Variants in ADARB2 observed in about 807,000 individuals in gnomAD.
ADARB2 encodes inactive double-stranded RNA-specific editase B2.
ADARB2 carries 25 observed loss-of-function variants against 62.2 expected under a neutral mutation model. The observed-to-expected ratio is 0.40, with a 90% confidence interval of 0.29 to 0.56. ADARB2 has a LOEUF of 0.56. Among genes scored for constraint, ADARB2 ranks in the 20% least tolerant of loss-of-function variants. The pLI is 0.43. For missense variants in ADARB2, 1,071 were observed against 1,077.4 expected, an observed-to-expected ratio of 0.99 and a Z score of 0.08; for synonymous variants, 572 against 500.8, an observed-to-expected ratio of 1.14 and a Z score of -1.90.
At chr10:1,307,969 T>C (rs1232827262) in intron 3 of ADARB2, among the ~76,000 whole-genome samples, 1 of 143,178 alleles carries the variant, frequency 7.0e-6, no homozygotes, top group African/African-American at 2.6e-5. Flanking sequence ...TTGGGAGATA[T>C]ACCTAATGCT....
chr10:1,486,881 T>C (rs1010952541), intron 1 of ADARB2, among the ~76,000 whole-genome samples: 1 of 152,076 alleles, frequency 6.6e-6, no homozygotes, highest in East Asian at 1.9e-4. Flanking sequence ...GTCACTGGAA[T>C]TGAGATAGAT....
intron 2 of ADARB2, among the ~76,000 whole-genome samples, chr10:1,365,209 A>G (rs1832304061): frequency 1.3e-5 from 2 of 151,998 alleles, no homozygotes; most frequent in South Asian, 4.2e-4. Flanking sequence ...AAACTTTCCC[A>G]TTATTATATC....
At chr10:1,601,567 G>C (rs1833413765) in intron 1 of ADARB2, among the ~76,000 whole-genome samples, 1 of 152,340 alleles carries the variant, frequency 6.6e-6, no homozygotes, top group South Asian at 2.1e-4. Context: ...GCTCATGTCT[G>C]TTCCTTTTGC....
At chr10:1,672,349 C>T (rs1834397256) in intron 1 of ADARB2, among the ~76,000 whole-genome samples, 1 of 152,130 alleles carries the variant, frequency 6.6e-6, no homozygotes, top group East Asian at 1.9e-4. Context: ...CACGCGGGCT[C>T]GTAATTAATC....
At chr10:1,219,852 GTGATGA>G (rs146255524) in intron 6 of ADARB2, among the ~76,000 whole-genome samples, 64,141 of 148,198 alleles carry the variant, frequency 0.43, 14,224 homozygotes, top group Non-Finnish European at 0.49. Context: ...GATGGTGATG[GTGATGA>G]TGATGGTAAT....
In ADARB2 at chr10:1,363,499, C is replaced by T; in HGVS notation, c.606G>A (p.Met202Ile). The change falls in exon 3 of 10, where the codon ATG (methionine) becomes ATA (isoleucine). Residue 202 changes from methionine (M) to isoleucine (I), a missense_variant. By Grantham distance (10) the Met-to-Ile change is conservative (BLOSUM62 1). Coordinates refer to ENST00000381312, the MANE Select transcript of ADARB2 (RefSeq NM_018702.4). ...FPNACQAHLA[M>I]GGGPGPGTDF... ...CCGTGCCGGGGCCCGGGCCCCCGCC[C>T]ATGGCCAGGTGCGCCTGGCAGGCGT... 2 of 1,524,856 alleles carry T rather than the reference C, an allele frequency of 1.3e-6. No individual in the cohort carries two copies. The highest frequency in any genetic ancestry group is 8.8e-7 in the Non-Finnish European group (1 of 1,140,932). 94.5% of individuals were successfully genotyped at this position (1,524,856 alleles called of 1,614,324 possible). A position where few individuals can be genotyped will look rare whatever the true frequency, so the allele number is the denominator to read the frequency against.
At chr10:1,396,814 T>TCAG (rs1391240098) in intron 1 of ADARB2, among the ~76,000 whole-genome samples, 2 of 96,350 alleles carry the variant, frequency 2.1e-5, no homozygotes, top group South Asian at 4.6e-4. Flanking sequence ...TGGGTCACCG[T>TCAG]CCTCCTCTCC....
intron 3 of ADARB2, among the ~76,000 whole-genome samples, chr10:1,338,657 G>A (rs1215390402): frequency 6.6e-6 from 1 of 152,140 alleles, no homozygotes; most frequent in African/African-American, 2.4e-5. Flanking sequence ...AAACATGAAT[G>A]GAAATGGTGG....
intron 3 of ADARB2, among the ~76,000 whole-genome samples, chr10:1,347,582 A>G (rs927050393): frequency 1.3e-5 from 2 of 152,148 alleles, no homozygotes; most frequent in Non-Finnish European, 2.9e-5. Context: ...GAGACCACTG[A>G]AGAGCACACA....
chr10:1,503,251 A>C (rs758771758), intron 1 of ADARB2, among the ~76,000 whole-genome samples: 9 of 151,934 alleles, frequency 5.9e-5, no homozygotes, highest in Non-Finnish European at 1.0e-4. Flanking sequence ...CCCAGGCTGG[A>C]GTGCAGCTCA....
intron 3 of ADARB2, among the ~76,000 whole-genome samples, chr10:1,337,002 G>A (rs926166068): frequency 1.3e-5 from 2 of 151,662 alleles, no homozygotes; most frequent in Non-Finnish European, 2.9e-5. Flanking sequence ...GAGATTAATG[G>A]ACTGGGTTAT....
intron 1 of ADARB2, among the ~76,000 whole-genome samples, chr10:1,387,043 A>C (rs931798416): frequency 6.6e-6 from 1 of 151,972 alleles, no homozygotes; most frequent in South Asian, 2.1e-4. Context: ...AAATCACAGG[A>C]AAATTAAAGC....
chr10:1,231,553 T>C (rs1042103901), intron 6 of ADARB2, among the ~76,000 whole-genome samples: 1 of 152,164 alleles, frequency 6.6e-6, no homozygotes, highest in African/African-American at 2.4e-5. Context: ...TGGGGAGGGC[T>C]GTGTCCACTT....
At chr10:1,476,299 G>C (rs1831399863) in intron 1 of ADARB2, among the ~76,000 whole-genome samples, 1 of 152,104 alleles carries the variant, frequency 6.6e-6, no homozygotes, top group South Asian at 2.1e-4. Flanking sequence ...GTCCAGCCCA[G>C]GGTGCCCAAC....
chr10:1,349,844 TG>T, intron 3 of ADARB2, among the ~76,000 whole-genome samples: 1 of 152,260 alleles, frequency 6.6e-6, no homozygotes, highest in Non-Finnish European at 1.5e-5. Context: ...CTGATCTCCG[TG>T]GGGAAGCCTG....
intron 1 of ADARB2, among the ~76,000 whole-genome samples, chr10:1,601,170 C>A (rs1200140180): frequency 6.6e-6 from 1 of 152,202 alleles, no homozygotes; most frequent in Non-Finnish European, 1.5e-5. Context: ...GAACACCCAA[C>A]TCATAAAGTC....
chr10:1,654,866 A>G (rs1383334826), intron 1 of ADARB2, among the ~76,000 whole-genome samples: 1 of 152,222 alleles, frequency 6.6e-6, no homozygotes, highest in Non-Finnish European at 1.5e-5. Context: ...GCCAGGCCCA[A>G]GGTGATGCAT....
At chr10:1,711,533 G>A (rs889418393) in intron 1 of ADARB2, among the ~76,000 whole-genome samples, 2 of 152,136 alleles carry the variant, frequency 1.3e-5, no homozygotes, top group Non-Finnish European at 2.9e-5. Flanking sequence ...TCCTTACTAA[G>A]GTGTTTTCCT....
At chr10:1,711,693 C>A (rs1588362438) in intron 1 of ADARB2, among the ~76,000 whole-genome samples, 2 of 152,172 alleles carry the variant, frequency 1.3e-5, no homozygotes, top group African/African-American at 2.4e-5. Context: ...GAGTTACAGG[C>A]ATTGCCAAAG....
Sources: allele counts gnomAD v4.1 joint callset (sites outside exome capture counted in the v4.1 genomes callset), GRCh38; gene constraint gnomAD v4.1.1; transcripts MANE v1.5; gene names NCBI Gene and HGNC (gene_info 2026-07-23, HGNC 2026-07-21).